SYT7: variants seen among roughly 807,000 people sequenced by gnomAD.
SYT7 encodes the protein synaptotagmin-7.
A neutral mutation model predicts 75.1 loss-of-function variants in SYT7; 29 were observed. The observed-to-expected ratio is 0.39, with a 90% CI of 0.29 to 0.53. The LOEUF is 0.53. Among genes scored for constraint, SYT7 ranks in the 20% least tolerant of loss-of-function variants. SYT7 has a pLI of 0.77. For missense variants in SYT7, 693 were observed against 953.2 expected, an observed-to-expected ratio of 0.73 and a Z score of 3.59; for synonymous variants, 376 against 401.7, an observed-to-expected ratio of 0.94 and a Z score of 0.76.
At chr11:61,521,430 C>A (rs1376563584) in intron 12 of SYT7, among the ~76,000 whole-genome samples, 1 of 152,124 alleles carries the variant, frequency 6.6e-6, no homozygotes, top group African/African-American at 2.4e-5. Flanking sequence ...GCTGGTCAAA[C>A]GGGGTGCTTG....
At position 61,580,729 on chromosome 11, in the gene SYT7, G is replaced by A. The variant is rs1055992173; in HGVS notation, c.31+61C>T. ...AGGCTGGGGCTCCGAGACGGCGTCC[G>A]GCGCTGCCGCTGTCCTGCCCGCCGG... is the stretch of plus-strand genomic sequence containing the variant. On this transcript the variant is annotated intron_variant, in intron 1 of 12. Transcript: ENST00000539008. This position sits in a 1 kb window ranked among gnomAD's most constrained non-coding sequence, Gnocchi z 6.1. The A allele has an allele frequency of 8.0e-6, 9 of 1,127,002 alleles. No individual in the cohort carries two copies. The highest frequency in any genetic ancestry group is 4.5e-6 in the Non-Finnish European group (4 of 897,394). The allele number at this position is 1,127,002 out of a possible 1,614,324, so 69.8% of individuals were successfully genotyped here.
intron 9 of SYT7, among the ~76,000 whole-genome samples, chr11:61,525,232 A>G (rs1283477255): frequency 6.6e-6 from 1 of 152,160 alleles, no homozygotes; most frequent in Admixed American, 6.5e-5. Context: ...AGCCAGAGAG[A>G]CCTTTTAAAA....
intron 6 of SYT7, 85 bp from the exon 7 acceptor site, chr11:61,538,351 GA>G (rs1388062676): frequency 0.034 from 21,661 of 634,342 alleles, 568 homozygotes; most frequent in African/African-American, 0.086. Flanking sequence ...GAGAGGGAGA[GA>G]GAGAGAGAGA....
Position 61,557,221 on chromosome 11 carries a change from T to G in SYT7, c.32-1014A>C, listed in dbSNP as rs994712118. ...GTGGGGCAGTGAGTGGAGACCCGCA[T>G]AGATCACACATGCGCTATCAATCTG... On this transcript the variant is annotated intron_variant, in intron 1 of 12. Coordinates refer to ENST00000539008, the MANE Select transcript of SYT7 (RefSeq NM_001365809.2). 2.0e-5 allele frequency among the ~76,000 whole-genome samples: 3 copies of G among 152,242 alleles called. No individual in the cohort carries two copies. In the South Asian group the frequency reaches 6.2e-4, roughly 32 times the overall value.
At chr11:61,543,945 T>C (rs1387641380) in intron 5 of SYT7, among the ~76,000 whole-genome samples, 1 of 152,140 alleles carries the variant, frequency 6.6e-6, no homozygotes, top group African/African-American at 2.4e-5. Context: ...CACCTCTCAA[T>C]CCAGTGGTCT....
chr11:61,544,776 C>T (rs572310125), intron 5 of SYT7, among the ~76,000 whole-genome samples: 49 of 152,274 alleles, frequency 3.2e-4, no homozygotes, highest in East Asian at 1.2e-3. Flanking sequence ...GGCACTGGGC[C>T]GGGCTCTCTG....
Position 61,546,969 on chromosome 11 carries a change from G to A in SYT7, c.347+208C>T, listed in dbSNP as rs1302162876. On this transcript the variant is annotated intron_variant, in intron 4 of 12. Coordinates refer to ENST00000539008, the MANE Select transcript of SYT7 (RefSeq NM_001365809.2). This position sits in a 1 kb window ranked among gnomAD's most constrained non-coding sequence, Gnocchi z 7.6. ...AGGCTGGCCCTGGGGGAGGGGACGG[G>A]AGCGGGCAGGCAGGTGGGTTGGGGC... Among the ~76,000 whole-genome samples the A allele has an allele frequency of 6.6e-5, 10 of 152,242 alleles. No homozygotes were observed. In the East Asian group the frequency reaches 1.4e-3, roughly 21 times the overall value.
rs1041334270 is a variant in SYT7 at position 61,576,567 on chromosome 11, C to T, written c.31+4223G>A. 2.6e-5 allele frequency among the ~76,000 whole-genome samples: 4 copies of T among 152,220 alleles called. No individual in the cohort carries two copies. The highest frequency in any genetic ancestry group is 9.7e-5 in the African/African-American group (4 of 41,448). On this transcript the variant is annotated intron_variant, in intron 1 of 12. Transcript: ENST00000539008. This position sits in a 1 kb window ranked among gnomAD's most constrained non-coding sequence, Gnocchi z 4.1. ...GTCATCAGCTCCGGACTGGGCCTCC[C>T]GCCCCCACGTGACCCCTCCCAGCTC...
Position 61,530,771 on chromosome 11 carries a change from G to C in SYT7, c.1200+2218C>G, listed in dbSNP as rs562810181. On this transcript the variant is annotated intron_variant, in intron 8 of 12. Transcript: ENST00000539008. ...TGGGCTGGCCAGGTAGGTTTCACCT[G>C]GGAAAGGGGTGGCAGCTCTATGCCC... 464 of 982,602 alleles carry C rather than the reference G, an allele frequency of 4.7e-4. 1 individual carries two copies. Among genetic ancestry groups the C allele is most frequent in the Non-Finnish European group, 5.4e-4 (448 of 827,490 alleles). The allele number at this position is 982,602 out of a possible 1,614,324, so 60.9% of individuals were successfully genotyped here. A position where few individuals can be genotyped will look rare whatever the true frequency, so the allele number is the denominator to read the frequency against.
At chr11:61,540,972 G>A (rs985778082) in intron 6 of SYT7, 1 of 985,470 alleles carries the variant, frequency 1.0e-6, no homozygotes, top group African/African-American at 1.7e-5. Flanking sequence ...AGAATATGGT[G>A]TCCTGATTTG....
Position 61,538,180 on chromosome 11 carries a change from C to T in SYT7, c.1028G>A (p.Gly343Glu). Reference sequence around the variant, plus strand: ...CTGAGCGTTCTGGTTCTGCTGGGTTCCTGGGTTTTGCAGGTCAGGGATATT... The same window carrying T: ...CTGAGCGTTCTGGTTCTGCTGGGTTTCTGGGTTTTGCAGGTCAGGGATATT... ...FANIPDLQNP[G>E]TQQNQNAQGD... The change falls in exon 7 of 13, where the codon GGA becomes GAA. Residue 343 changes from glycine (G) to glutamate (E), a missense_variant. Around this residue, in one of 2 missense-constraint regions of SYT7, gnomAD observed 487 missense variants for 593.2 expected, o/e 0.82. Coordinates refer to ENST00000539008, the MANE Select transcript of SYT7 (RefSeq NM_001365809.2). The T allele has an allele frequency of 6.5e-7, 1 of 1,536,050 alleles. No individual in the cohort carries two copies. The highest frequency in any genetic ancestry group is 8.7e-7 in the Non-Finnish European group (1 of 1,146,866).
rs935391926 is a variant in SYT7, at chr11:61,551,248, G to A, written c.215+136C>T. The A allele has an allele frequency of 9.7e-6, 8 of 826,472 alleles. No homozygotes were observed. The African/African-American group carries it at 1.3e-4, about 14-fold the overall frequency. 51.2% of individuals were successfully genotyped at this position (826,472 alleles called of 1,614,324 possible). On this transcript the variant is annotated intron_variant, in intron 3 of 12. Coordinates refer to ENST00000539008, the MANE Select transcript of SYT7 (RefSeq NM_001365809.2). This position sits in a 1 kb window ranked among gnomAD's most constrained non-coding sequence, Gnocchi z 5.3. ...CTGAGTTTTTGGGGGTGTGTGGAGG[G>A]TGTAGAGAGCATGGCATCGGGGTGT...
Position 61,551,082 on chromosome 11 carries a change from T to G in SYT7, c.215+302A>C, listed in dbSNP as rs778902654. Among the ~76,000 whole-genome samples, 23 of 151,510 alleles carry G rather than the reference T, an allele frequency of 1.5e-4. No homozygotes were observed. Among genetic ancestry groups the G allele is most frequent in the Non-Finnish European group, 2.9e-4 (20 of 67,844 alleles). Reference sequence around the variant, plus strand: ...CGGCGGGTGGTGGGCACAGTGTGTGTGATAGGAGGGTGGGATGAGAAAGCG... The same window carrying G: ...CGGCGGGTGGTGGGCACAGTGTGTGGGATAGGAGGGTGGGATGAGAAAGCG... On this transcript the variant is annotated intron_variant, in intron 3 of 12. Transcript: ENST00000539008. This position sits in a 1 kb window ranked among gnomAD's most constrained non-coding sequence, Gnocchi z 5.3.
At chr11:61,527,861 G>A in intron 9 of SYT7, 54 bp downstream of exon 9, 1 of 1,595,976 alleles carries the variant, frequency 6.3e-7, no homozygotes, top group African/African-American at 1.3e-5. Context: ...TTGGGTAGGG[G>A]GATGGTAGAC....
rs925558535 is a variant in SYT7, at chr11:61,542,068, G to A, written c.941+143C>T. 9.3e-5 allele frequency: 106 copies of A among 1,138,810 alleles called. 1 individual carries two copies. The South Asian group carries it at 1.6e-3, about 17-fold the overall frequency. The allele number at this position is 1,138,810 out of a possible 1,614,324, so 70.5% of individuals were successfully genotyped here. A position where few individuals can be genotyped will look rare whatever the true frequency, so the allele number is the denominator to read the frequency against. On this transcript the variant is annotated intron_variant, in intron 6 of 12. Transcript: ENST00000539008. This position sits in a 1 kb window ranked among gnomAD's most constrained non-coding sequence, Gnocchi z 7.8. ...GGCAGGAGCCACAAGAGGCTAAGGA[G>A]GGGGCTGCCAAGTCTGCTTGGCACC...
chr11:61,543,654 T>C (rs1332679080), intron 5 of SYT7, among the ~76,000 whole-genome samples: 1 of 152,242 alleles, frequency 6.6e-6, no homozygotes, highest in African/African-American at 2.4e-5. Context: ...AGAATTGCCA[T>C]GAGGATCTAA....
Position 61,523,826 on chromosome 11 carries a change from C to T in SYT7, c.1756+1G>A. On this transcript the variant is annotated splice_donor_variant, in intron 11 of 12. Transcript: ENST00000539008. LOFTEE classifies it high-confidence loss of function. This position sits in a 1 kb window ranked among gnomAD's most constrained non-coding sequence, Gnocchi z 5.0. ...CATCCTCTGCTGGAGAAGCCCCGTA[C>T]CTGATGTGCCCCCGATGTCCATGGC... 1 of 1,613,846 alleles carries T rather than the reference C, an allele frequency of 6.2e-7. No individual in the cohort carries two copies. The highest frequency in any genetic ancestry group is 8.5e-7 in the Non-Finnish European group (1 of 1,179,838).
chr11:61,565,834 G>A (rs558765442), intron 1 of SYT7, among the ~76,000 whole-genome samples: 22 of 152,396 alleles, frequency 1.4e-4, no homozygotes, highest in African/African-American at 4.3e-4. Context: ...GGCTCAGCAC[G>A]AGCAAGCTTC....
chr11:61,576,465 T>C lies in SYT7; in HGVS notation c.31+4325A>G, dbSNP rs1260398303. Among the ~76,000 whole-genome samples the C allele has an allele frequency of 6.6e-6, 1 of 152,090 alleles. No homozygotes were observed. Among genetic ancestry groups the C allele is most frequent in the Non-Finnish European group, 1.5e-5 (1 of 67,990 alleles). ...TCTGTGGAGCAGAGGACCAGCTCTA[T>C]ACAGGGCTGCCCATGCCCACCTGTG... On this transcript the variant is annotated intron_variant, in intron 1 of 12. Coordinates refer to ENST00000539008, the MANE Select transcript of SYT7 (RefSeq NM_001365809.2). This position sits in a 1 kb window ranked among gnomAD's most constrained non-coding sequence, Gnocchi z 4.1.
Sources: gnomAD v4.1 joint callset for allele counts (sites outside exome capture counted in the v4.1 genomes callset) on GRCh38, gnomAD v4.1.1 for gene constraint, gnomAD v4.1.1 regional missense constraint, Gnocchi (gnomAD v3.1) non-coding constraint, MANE v1.5 for transcripts, NCBI Gene and HGNC (gene_info 2026-07-23, HGNC 2026-07-21) for gene names.